CRPPA: variants seen among roughly 807,000 people sequenced by gnomAD.
CRPPA encodes the protein D-ribitol-5-phosphate cytidylyltransferase.
A neutral mutation model predicts 52.0 loss-of-function variants in CRPPA; 43 were observed. The ratio of observed to expected loss-of-function variants is 0.83; its 90% CI spans 0.65 to 1.07. The LOEUF (loss-of-function observed/expected upper bound fraction) is 1.07, where lower values mean the gene tolerates loss of function less well. Ranked by LOEUF, CRPPA falls within the 50% of genes least tolerant of loss-of-function variation. The pLI is 0.00. For synonymous variants in CRPPA, 250 were observed against 203.5 expected (o/e 1.23, Z -1.94); for missense variants, 629 against 551.7 (o/e 1.14, Z -1.40).
rs567102837 is a variant in CRPPA, at chr7:16,262,825, T to G, written c.934-3813A>C. On this transcript the variant is annotated intron_variant, in intron 6 of 9. Transcript: ENST00000407010. ...GGTCTGGGAGATCCACGGGCAGGGT[T>G]TAGAAGACATCAGCCAGATTATCAT... Among the ~76,000 whole-genome samples the G allele has an allele frequency of 3.3e-5, 5 of 152,322 alleles. No homozygotes were observed. The East Asian group carries it at 5.8e-4, about 18-fold the overall frequency.
intron 8 of CRPPA, among the ~76,000 whole-genome samples, chr7:16,218,092 C>T (rs1478728172): frequency 3.9e-5 from 6 of 152,126 alleles, no homozygotes; most frequent in African/African-American, 1.2e-4. Flanking sequence ...CAGCAGATCT[C>T]TCCGCAGAAA....
At chr7:16,204,103 A>G (rs1048669020) in intron 9 of CRPPA, among the ~76,000 whole-genome samples, 1 of 152,124 alleles carries the variant, frequency 6.6e-6, no homozygotes, top group Non-Finnish European at 1.5e-5. Flanking sequence ...TTGTCACTCT[A>G]ATCACCTAAG....
chr7:16,173,625 C>G (rs1476518786), intron 9 of CRPPA, among the ~76,000 whole-genome samples: 1 of 152,050 alleles, frequency 6.6e-6, no homozygotes, highest in Non-Finnish European at 1.5e-5. Context: ...CAATGGTACT[C>G]TAATTTAGCA....
At chr7:16,191,239 C>T (rs1280090895) in intron 9 of CRPPA, among the ~76,000 whole-genome samples, 1 of 151,958 alleles carries the variant, frequency 6.6e-6, no homozygotes, top group African/African-American at 2.4e-5. Flanking sequence ...AGAGGTTTGC[C>T]GAGTATGTTC....
chr7:16,286,060 T>TAAA (rs1562608487), intron 5 of CRPPA, among the ~76,000 whole-genome samples: 2 of 34,688 alleles, frequency 5.8e-5, no homozygotes, highest in African/African-American at 1.9e-4. Flanking sequence ...TATATATATA[T>TAAA]ATATATATAT....
intron 2 of CRPPA, among the ~76,000 whole-genome samples, chr7:16,397,164 C>G (rs766074321): frequency 6.6e-6 from 1 of 152,236 alleles, no homozygotes; most frequent in Non-Finnish European, 1.5e-5. Flanking sequence ...TAGCAAAATG[C>G]CAATGACACG....
chr7:16,292,486 T>C (rs1001865289), intron 5 of CRPPA, among the ~76,000 whole-genome samples: 1 of 151,912 alleles, frequency 6.6e-6, no homozygotes, highest in African/African-American at 2.4e-5. Flanking sequence ...GAGGAAGAAT[T>C]AGAATTCAAG....
At chr7:16,164,587 A>C (rs1306455314) in intron 9 of CRPPA, among the ~76,000 whole-genome samples, 2 of 152,066 alleles carry the variant, frequency 1.3e-5, no homozygotes, top group African/African-American at 4.8e-5. Flanking sequence ...GAGAAGAGGC[A>C]TTCTGGTTTT....
rs905064536 is a variant in CRPPA at position 16,410,847 on chromosome 7, G to A, written c.258-4510C>T. ...CCCCTACTCCCCGCCAGCCCTGCCC[G>A]AGTCTTTCATACTCATCAGTTCTGA... On this transcript the variant is annotated intron_variant, in intron 1 of 9. Transcript: ENST00000407010. Among the ~76,000 whole-genome samples the A allele has an allele frequency of 2.0e-5, 3 of 152,000 alleles. No individual in the cohort carries two copies. The East Asian group carries it at 5.8e-4, about 29-fold the overall frequency.
At chr7:16,308,923 G>T (rs145593151) in intron 3 of CRPPA, among the ~76,000 whole-genome samples, 1 of 152,068 alleles carries the variant, frequency 6.6e-6, no homozygotes, top group Admixed American at 6.6e-5. Flanking sequence ...TGTTTCCTTT[G>T]CTTATAAGTT....
chr7:16,403,832 G>C (rs1787887931), intron 2 of CRPPA, among the ~76,000 whole-genome samples: 1 of 141,394 alleles, frequency 7.1e-6, no homozygotes, highest in African/African-American at 2.8e-5. Flanking sequence ...GACTCTTCCA[G>C]ATTAGCTGAA....
At chr7:16,399,354 CATG>C (rs1307060880) in intron 2 of CRPPA, among the ~76,000 whole-genome samples, 2 of 152,018 alleles carry the variant, frequency 1.3e-5, no homozygotes, top group African/African-American at 2.4e-5. Context: ...ACATGACTGA[CATG>C]ATTGACGTGA....
At chr7:16,209,081 G>A in intron 9 of CRPPA, 1 of 379,548 alleles carries the variant, frequency 2.6e-6, no homozygotes, top group Non-Finnish European at 5.2e-6. Context: ...AGATAGCAGG[G>A]TGGCTCTGGT....
chr7:16,222,899 T>C (rs572881229), intron 8 of CRPPA, among the ~76,000 whole-genome samples: 1 of 152,320 alleles, frequency 6.6e-6, no homozygotes, highest in South Asian at 2.1e-4. Context: ...AGTCAGTATA[T>C]CTAGGCTGAC....
At chr7:16,254,735 AAGAAAGAAAGAC>A (rs60131748) in intron 8 of CRPPA, among the ~76,000 whole-genome samples, 50,954 of 147,782 alleles carry the variant, frequency 0.34, 9,578 homozygotes, top group Admixed American at 0.45. Flanking sequence ...CTTAAAGTAT[AAGAAAGAAAGAC>A]AGAAAGAAAG....
chr7:16,113,083 A>G (rs1782299151), intron 9 of CRPPA, among the ~76,000 whole-genome samples: 2 of 152,052 alleles, frequency 1.3e-5, no homozygotes, highest in African/African-American at 2.4e-5. Flanking sequence ...AGAAAGCAAG[A>G]CAAGTCTCTC....
intron 9 of CRPPA, among the ~76,000 whole-genome samples, chr7:16,163,140 A>T (rs1260732547): frequency 6.6e-6 from 1 of 151,214 alleles, no homozygotes; most frequent in Non-Finnish European, 1.5e-5. Context: ...CACTCAGCTA[A>T]TTTTTTGTAT....
intron 1 of CRPPA, among the ~76,000 whole-genome samples, chr7:16,418,613 G>C (rs1788250718): frequency 6.6e-6 from 1 of 152,082 alleles, no homozygotes; most frequent in South Asian, 2.1e-4. Context: ...ATGAACACAG[G>C]AGGAACTACG....
chr7:16,368,415 T>C (rs1786664784), intron 3 of CRPPA, among the ~76,000 whole-genome samples: 1 of 152,216 alleles, frequency 6.6e-6, no homozygotes, highest in African/African-American at 2.4e-5. Context: ...CCTAGTTACA[T>C]GGAAAAGCCC....
Sources: gnomAD v4.1 joint callset for allele counts (sites outside exome capture counted in the v4.1 genomes callset) on GRCh38, gnomAD v4.1.1 for gene constraint, MANE v1.5 for transcripts, NCBI Gene and HGNC (gene_info 2026-07-23, HGNC 2026-07-21) for gene names.